The following SSX2IP variants were observed in gnomAD, a reference collection of about 807,000 sequenced individuals.
SSX2IP encodes afadin- and alpha-actinin-binding protein.
SSX2IP carries 55 observed loss-of-function variants against 84.9 expected under a neutral mutation model. That is an observed-to-expected ratio of 0.65 (90% CI 0.52 to 0.81). SSX2IP has a LOEUF of 0.81. SSX2IP is among the 30% of genes least tolerant of loss of function. The probability of loss-of-function intolerance (pLI) is 0.00; values close to 1 mark genes in which losing one functional copy is unlikely to be tolerated. For missense variants in SSX2IP, 664 were observed against 705.2 expected (o/e 0.94, Z 0.66); for synonymous variants, 239 against 234.7 (o/e 1.02, Z -0.17).
chr1:84,681,792 G>A (rs904450840), intron 1 of SSX2IP, among the ~76,000 whole-genome samples: 5 of 152,072 alleles, frequency 3.3e-5, no homozygotes, highest in South Asian at 2.1e-4. Context: ...ACATATGTAC[G>A]CATACCCATG....
rs777468223 is a variant in SSX2IP, at chr1:84,669,802, C to T, written c.305G>A (p.Cys102Tyr). ...RELNIVAVLNCMNELLVLQRK... is the reference protein window; with the variant it reads ...RELNIVAVLNYMNELLVLQRK... ...CTGAAGCACAAGCAGCTCATTCATA[C>T]AATTTAGTACAGCTACTATATTTAA... The change falls in exon 4 of 14, where the codon TGT (cysteine) becomes TAT (tyrosine). Residue 102 changes from cysteine to tyrosine, a missense_variant. By Grantham distance (194) the Cys-to-Tyr change is radical. Transcript: ENST00000342203. 58 of 1,613,562 alleles carry T rather than the reference C, an allele frequency of 3.6e-5. No homozygotes were observed. The highest frequency in any genetic ancestry group is 4.7e-5 in the Non-Finnish European group (56 of 1,179,692).
At chr1:84,656,324 C>T in intron 10 of SSX2IP, 24 bp downstream of exon 10, 1 of 1,605,220 alleles carries the variant, frequency 6.2e-7, no homozygotes. Context: ...TGGAGAACAG[C>T]TTTAAAAGGT....
Position 84,661,486 on chromosome 1 carries a change from A to G in SSX2IP, c.927+712T>C, listed in dbSNP as rs527467342. Among the ~76,000 whole-genome samples, 108 of 152,062 alleles carry G rather than the reference A, an allele frequency of 7.1e-4. 1 individual carries two copies. Among genetic ancestry groups the G allele is most frequent in the African/African-American group, 2.6e-3 (107 of 41,456 alleles). On this transcript the variant is annotated intron_variant, in intron 8 of 13. Coordinates refer to ENST00000342203, the MANE Select transcript of SSX2IP (RefSeq NM_001166293.2). ...ATGTCACTTTCTCTGTGATGCCTTGATTGCCATAACTATTCTGTTCTGCAC... is the reference window on the plus strand; with the variant it reads ...ATGTCACTTTCTCTGTGATGCCTTGGTTGCCATAACTATTCTGTTCTGCAC...
rs1290600549 is a variant in SSX2IP at position 84,669,792 on chromosome 1, C to T, written c.315G>A (p.Glu105=). The change falls in exon 4 of 14, where the codon GAG becomes GAA. Residue 105 remains glutamate, a synonymous_variant. Transcript: ENST00000342203. ...GGTTCTTCCGCTGAAGCACAAGCAG[C>T]TCATTCATACAATTTAGTACAGCTA... ...NIVAVLNCMN[E]LLVLQRKNLL... 2 of 1,613,782 alleles carry T rather than the reference C, an allele frequency of 1.2e-6. No individual in the cohort carries two copies. The highest frequency in any genetic ancestry group is 3.3e-5 in the Admixed American group (2 of 59,996).
Position 84,646,260 on chromosome 1 carries a change from C to T in SSX2IP, c.*1173G>A, listed in dbSNP as rs189955074. 7 of 152,624 alleles carry T rather than the reference C, an allele frequency of 4.6e-5. No individual in the cohort carries two copies. The South Asian group carries it at 8.3e-4, about 18-fold the overall frequency. 9.5% of individuals were successfully genotyped at this position (152,624 alleles called of 1,614,324 possible). A position where few individuals can be genotyped will look rare whatever the true frequency, so the allele number is the denominator to read the frequency against. On this transcript the variant is annotated 3_prime_UTR_variant, in exon 14 of 14. Coordinates refer to ENST00000342203, the MANE Select transcript of SSX2IP (RefSeq NM_001166293.2). ...GCTGAGCCTACATTTATTATTATTA[C>T]TATCAAAACAACAACATACTTTTCA...
At chr1:84,682,669 A>T (rs1396454731) in intron 1 of SSX2IP, among the ~76,000 whole-genome samples, 1 of 151,816 alleles carries the variant, frequency 6.6e-6, no homozygotes, top group East Asian at 1.9e-4. Context: ...CGCACCTGCT[A>T]ATTTTTGTAT....
At chr1:84,647,887 A>C (rs1649680555) in intron 13 of SSX2IP, among the ~76,000 whole-genome samples, 1 of 152,012 alleles carries the variant, frequency 6.6e-6, no homozygotes. Context: ...CTCTACAAAA[A>C]ATTAGCTGGG....
chr1:84,659,523 C>T (rs773537657), intron 8 of SSX2IP, among the ~76,000 whole-genome samples: 2 of 152,124 alleles, frequency 1.3e-5, no homozygotes, highest in Non-Finnish European at 1.5e-5. Context: ...TGGCCGGGCG[C>T]GGTGGCTCAT....
At chr1:84,680,134 G>A (rs1372649406) in intron 1 of SSX2IP, among the ~76,000 whole-genome samples, 8 of 152,094 alleles carry the variant, frequency 5.3e-5, no homozygotes, top group Admixed American at 6.5e-5. Context: ...CTGGGTTGAG[G>A]GATATAATCT....
chr1:84,678,903 A>G (rs1654719655), intron 1 of SSX2IP, among the ~76,000 whole-genome samples: 1 of 152,220 alleles, frequency 6.6e-6, no homozygotes, highest in African/African-American at 2.4e-5. Flanking sequence ...ATTCTAAAAC[A>G]ATTTCAGTCG....
At chr1:84,674,100 T>C (rs763971901) in intron 1 of SSX2IP, among the ~76,000 whole-genome samples, 27 of 152,312 alleles carry the variant, frequency 1.8e-4, no homozygotes, top group Admixed American at 9.8e-4. Flanking sequence ...CCTATTCTAA[T>C]AGAACTCTGC....
intron 2 of SSX2IP, 46 bp downstream of exon 2, chr1:84,671,131 C>A: frequency 6.3e-7 from 1 of 1,591,914 alleles, no homozygotes; most frequent in Non-Finnish European, 8.5e-7. Flanking sequence ...GAAAAATTCA[C>A]CTTTACAGTT....
intron 8 of SSX2IP, among the ~76,000 whole-genome samples, chr1:84,661,565 CTG>C (rs1038591532): frequency 2.6e-5 from 4 of 152,162 alleles, no homozygotes; most frequent in Non-Finnish European, 5.9e-5. Flanking sequence ...TTCTCCACGT[CTG>C]TCTTTCCCAA....
In SSX2IP at chr1:84,646,903, A is replaced by C. The variant is rs1426670883; in HGVS notation, c.*530T>G. On this transcript the variant is annotated 3_prime_UTR_variant, in exon 14 of 14. Coordinates refer to ENST00000342203, the MANE Select transcript of SSX2IP (RefSeq NM_001166293.2). Reference sequence around the variant, plus strand: ...ACTTATGGTTGTGTGAAACTTTTAAATCTTAAAGCCTCTTAACATAATCAT... The same window carrying C: ...ACTTATGGTTGTGTGAAACTTTTAACTCTTAAAGCCTCTTAACATAATCAT... 2 of 152,588 alleles carry C rather than the reference A, an allele frequency of 1.3e-5. No homozygotes were observed. The highest frequency in any genetic ancestry group is 2.4e-5 in the African/African-American group (1 of 41,460). The allele number at this position is 152,588 out of a possible 1,614,324, so 9.5% of individuals were successfully genotyped here.
rs1209930979 is a variant in SSX2IP at position 84,647,504 on chromosome 1, G to A, written c.1774C>T (p.Gln592Ter). The A allele has an allele frequency of 6.2e-7, 1 of 1,613,096 alleles. No individual in the cohort carries two copies. Among genetic ancestry groups the A allele is most frequent in the Admixed American group, 1.7e-5 (1 of 59,954 alleles). The stretch of plus-strand genomic sequence containing the variant: ...GAGCATCCACTATAGCAACCTTCCT[G>A]TGATCCAGGTCTTGATGCCACACTC... ...KWSVASRPGS[Q>*]EGCYSGCSLS... The change falls in exon 14 of 14, where the codon CAG becomes TAG. Residue 592 changes from glutamine to a stop codon, truncating the protein, a stop_gained. Transcript: ENST00000342203. LOFTEE classifies it high-confidence loss of function.
In SSX2IP at chr1:84,666,904, AATATTTTT is replaced by A. The variant is rs529067597; in HGVS notation, c.427-680_427-673del. On this transcript the variant is annotated intron_variant, in intron 4 of 13. Transcript: ENST00000342203. ...TATGGAATATTTTTAAAATTGTACT[AATATTTTT>A]ATAAAATTCAAAAGCCAATCAAATT... 1.3e-4 allele frequency among the ~76,000 whole-genome samples: 20 copies of A among 152,282 alleles called. No homozygotes were observed. In the South Asian group the frequency reaches 4.1e-3, roughly 32 times the overall value.
intron 12 of SSX2IP, among the ~76,000 whole-genome samples, chr1:84,650,784 A>AG (rs1384657191): frequency 6.6e-6 from 1 of 151,762 alleles, no homozygotes; most frequent in Non-Finnish European, 1.5e-5. Context: ...GCCTCACTGC[A>AG]AGCTCCACCT....
At chr1:84,666,003 G>A in intron 5 of SSX2IP, 119 bp downstream of exon 5, 1 of 734,568 alleles carries the variant, frequency 1.4e-6, no homozygotes, top group East Asian at 2.7e-5. Flanking sequence ...ATATCAATTT[G>A]GGGAAAGATG....
chr1:84,667,367 T>C (rs1486484242), intron 4 of SSX2IP, among the ~76,000 whole-genome samples: 1 of 152,164 alleles, frequency 6.6e-6, no homozygotes, highest in Non-Finnish European at 1.5e-5. Flanking sequence ...TTCTTAAGTG[T>C]TCGTCAGATC....
Sources: allele counts gnomAD v4.1 joint callset (sites outside exome capture counted in the v4.1 genomes callset), GRCh38; gene constraint gnomAD v4.1.1; transcripts MANE v1.5; gene names NCBI Gene and HGNC (gene_info 2026-07-23, HGNC 2026-07-21).